The following RAB11FIP2 variants were observed in gnomAD, a reference collection of about 807,000 sequenced individuals.
RAB11FIP2 encodes rab11 family-interacting protein 2.
Under a neutral mutation model 40.9 loss-of-function variants are expected in RAB11FIP2, and 16 were observed. That is an observed-to-expected ratio of 0.39 (90% confidence interval 0.26 to 0.59). RAB11FIP2 has a LOEUF of 0.59. Ranked by LOEUF, RAB11FIP2 falls within the 20% of genes least tolerant of loss-of-function variation. The probability of loss-of-function intolerance (pLI) is 0.53; values close to 1 mark genes in which losing one functional copy is unlikely to be tolerated. For missense variants in RAB11FIP2, 532 were observed against 606.2 expected (o/e 0.88, Z 1.28); for synonymous variants, 228 against 213.7 (o/e 1.07, Z -0.58).
chr10:118,044,545 CCTT>C (rs1846602537), intron 1 of RAB11FIP2, among the ~76,000 whole-genome samples: 1 of 152,010 alleles, frequency 6.6e-6, no homozygotes, highest in African/African-American at 2.4e-5. Context: ...CTTTTTCTCT[CCTT>C]CTAAAATATT....
intron 3 of RAB11FIP2, among the ~76,000 whole-genome samples, chr10:118,019,639 C>T (rs546555241): frequency 7.3e-5 from 11 of 151,630 alleles, no homozygotes; most frequent in South Asian, 2.1e-4. Context: ...CTGGCTAACA[C>T]GGTGAAACCC....
intron 1 of RAB11FIP2, among the ~76,000 whole-genome samples, chr10:118,044,602 G>C (rs917189084): frequency 2.6e-5 from 4 of 151,708 alleles, no homozygotes; most frequent in African/African-American, 9.7e-5. Flanking sequence ...TGCATTCCTA[G>C]TATTTCTGAT....
At chr10:118,036,700 G>A (rs920112053) in intron 3 of RAB11FIP2, among the ~76,000 whole-genome samples, 3 of 152,058 alleles carry the variant, frequency 2.0e-5, no homozygotes, top group Non-Finnish European at 2.9e-5. Flanking sequence ...CAAATGTTCT[G>A]TCCTCATATC....
At chr10:118,015,247 G>T (rs772298759) in intron 3 of RAB11FIP2, 137 bp from the exon 4 acceptor site, 1 of 563,128 alleles carries the variant, frequency 1.8e-6, no homozygotes, top group Non-Finnish European at 2.8e-6. Context: ...TTTAATCCAA[G>T]AAGTAGAAAA....
intron 1 of RAB11FIP2, among the ~76,000 whole-genome samples, chr10:118,041,103 T>C (rs1391086965): frequency 1.3e-5 from 2 of 152,128 alleles, no homozygotes; most frequent in East Asian, 1.9e-4. Flanking sequence ...TTGGAGATCA[T>C]TGCATATAGC....
chr10:118,009,038 T>TA lies in RAB11FIP2; in HGVS notation c.1498dup (p.Tyr500LeufsTer2). On this transcript the variant is annotated frameshift_variant, in exon 5 of 5. Coordinates refer to ENST00000355624, the MANE Select transcript of RAB11FIP2 (RefSeq NM_014904.3). LOFTEE classifies it high-confidence loss of function. ...TTTGCCAGCTTTCCTGGATGGTTCA[T>TA]ACGGCACTCTGAGAATACTGGGCGT... 1 of 1,613,516 alleles carries TA rather than the reference T, an allele frequency of 6.2e-7. No homozygotes were observed. The highest frequency in any genetic ancestry group is 8.5e-7 in the Non-Finnish European group (1 of 1,179,538).
chr10:118,010,804 T>C (rs1021492424), intron 4 of RAB11FIP2, among the ~76,000 whole-genome samples: 5 of 152,074 alleles, frequency 3.3e-5, no homozygotes, highest in Admixed American at 6.6e-5. Flanking sequence ...CAGTGAACTC[T>C]GCTTGTTCAA....
chr10:118,046,475 G>C lies in RAB11FIP2; in HGVS notation c.-312C>G, dbSNP rs1343966319. 3 of 280,428 alleles carry C rather than the reference G, an allele frequency of 1.1e-5. No individual in the cohort carries two copies. The highest frequency in any genetic ancestry group is 2.0e-5 in the Non-Finnish European group (3 of 149,444). 17.4% of individuals were successfully genotyped at this position (280,428 alleles called of 1,614,324 possible). A position where few individuals can be genotyped will look rare whatever the true frequency, so the allele number is the denominator to read the frequency against. ...CAGGCCTGCGGGGCACGTGAGGCCT[G>C]GCCACACGGACCCGGGCGGAGGGCT... On this transcript the variant is annotated 5_prime_UTR_variant, in exon 1 of 5. Coordinates refer to ENST00000355624, the MANE Select transcript of RAB11FIP2 (RefSeq NM_014904.3).
chr10:118,030,469 G>A (rs1184196179), intron 3 of RAB11FIP2, among the ~76,000 whole-genome samples: 1 of 152,064 alleles, frequency 6.6e-6, no homozygotes, highest in East Asian at 1.9e-4. Flanking sequence ...CATAGGTCTT[G>A]TTAATTACCC....
At chr10:118,033,381 T>C (rs1846440954) in intron 3 of RAB11FIP2, among the ~76,000 whole-genome samples, 1 of 152,074 alleles carries the variant, frequency 6.6e-6, no homozygotes, top group East Asian at 1.9e-4. Context: ...GGTGCTGTGG[T>C]GCACCCAAGA....
chr10:118,035,296 A>G (rs1846466973), intron 3 of RAB11FIP2, among the ~76,000 whole-genome samples: 1 of 152,178 alleles, frequency 6.6e-6, no homozygotes, highest in South Asian at 2.1e-4. Flanking sequence ...ATTACAGCTG[A>G]CAACCTACCC....
intron 4 of RAB11FIP2, among the ~76,000 whole-genome samples, chr10:118,013,980 A>G (rs1235073195): frequency 1.3e-5 from 2 of 152,112 alleles, no homozygotes; most frequent in Non-Finnish European, 2.9e-5. Flanking sequence ...GGCTGACTTC[A>G]TATTTTCTCA....
intron 1 of RAB11FIP2, among the ~76,000 whole-genome samples, chr10:118,045,025 A>G (rs1432450059): frequency 6.6e-6 from 1 of 152,154 alleles, no homozygotes; most frequent in Non-Finnish European, 1.5e-5. Context: ...TTTTTAAATT[A>G]AAATGTATCT....
At chr10:118,023,613 T>C (rs1009637111) in intron 3 of RAB11FIP2, among the ~76,000 whole-genome samples, 2 of 152,142 alleles carry the variant, frequency 1.3e-5, no homozygotes, top group African/African-American at 4.8e-5. Context: ...GCAAGACAAT[T>C]AAAAATTGTG....
chr10:118,028,000 T>C (rs999292021), intron 3 of RAB11FIP2, among the ~76,000 whole-genome samples: 1 of 152,086 alleles, frequency 6.6e-6, no homozygotes, highest in Admixed American at 6.6e-5. Flanking sequence ...GTAAACTCCA[T>C]GTACTTCTGT....
Position 118,045,887 on chromosome 10 carries a change from C to T in RAB11FIP2, c.277G>A (p.Gly93Ser). The change falls in exon 1 of 5, where the codon GGT (glycine) becomes AGT (serine). Residue 93 changes from glycine (G) to serine (S), a missense_variant. Physicochemically the swap from Gly to Ser is moderately conservative, Grantham distance 56. Transcript: ENST00000355624. ...FLIVMHRSLV[G>S]LDKFLGQVAI... ...ACCTGCCCTAAAAATTTATCCAGAC[C>T]CACCAGGGACCTGTGCATAACTATA... is the stretch of plus-strand genomic sequence containing the variant. 4.3e-6 allele frequency: 7 copies of T among 1,614,110 alleles called. No homozygotes were observed. Among genetic ancestry groups the T allele is most frequent in the Non-Finnish European group, 5.9e-6 (7 of 1,179,992 alleles).
rs200046106 is a variant in RAB11FIP2, at chr10:118,039,231, T to C, written c.1006A>G (p.Met336Val). 2 of 1,613,850 alleles carry C rather than the reference T, an allele frequency of 1.2e-6. No individual in the cohort carries two copies. The highest frequency in any genetic ancestry group is 2.2e-5 in the East Asian group (1 of 44,866). ...EESSETWDSS[M>V]NLFSKPIEIR... Reference sequence around the variant, plus strand: ...TCAATTGGTTTTGAAAATAAATTCATGCTGCTGTCCCATGTTTCGCTGCTT... The same window carrying C: ...TCAATTGGTTTTGAAAATAAATTCACGCTGCTGTCCCATGTTTCGCTGCTT... Residue 336 changes from methionine to valine, a missense_variant, in exon 3 of 5, where the codon ATG (methionine) becomes GTG (valine). Met to Val is a conservative substitution (Grantham distance 21). Transcript: ENST00000355624.
intron 3 of RAB11FIP2, among the ~76,000 whole-genome samples, chr10:118,030,554 A>G (rs1167936856): frequency 6.6e-6 from 1 of 152,150 alleles, no homozygotes; most frequent in Non-Finnish European, 1.5e-5. Context: ...CATTAAAATT[A>G]AAGATGCTTT....
chr10:118,035,134 G>A (rs972209455), intron 3 of RAB11FIP2, among the ~76,000 whole-genome samples: 1 of 152,154 alleles, frequency 6.6e-6, no homozygotes, highest in Non-Finnish European at 1.5e-5. Flanking sequence ...GGCATCACAA[G>A]AAGGAAGAAG....
Sources: allele counts gnomAD v4.1 joint callset (sites outside exome capture counted in the v4.1 genomes callset), GRCh38; gene constraint gnomAD v4.1.1; transcripts MANE v1.5; gene names NCBI Gene and HGNC (gene_info 2026-07-23, HGNC 2026-07-21).